GLB1L: variants seen among roughly 807,000 people sequenced by gnomAD.
GLB1L encodes the protein galactosidase beta 1 like.
In GLB1L, 58 loss-of-function variants were observed where a neutral mutation model predicts 75.7. The ratio of observed to expected loss-of-function variants is 0.77; its 90% CI spans 0.62 to 0.95. GLB1L has a LOEUF of 0.95. Among genes scored for constraint, GLB1L ranks in the 40% least tolerant of loss-of-function variants. The pLI, the probability that GLB1L is intolerant of heterozygous loss-of-function variation, is 0.00. For missense variants in GLB1L, 797 were observed against 805.5 expected (o/e 0.99, Z 0.13); for synonymous variants, 296 against 303.0 (o/e 0.98, Z 0.24).
chr2:219,239,034 G>A, intron 11 of GLB1L, 58 bp downstream of exon 11: 2 of 1,196,786 alleles, frequency 1.7e-6, no homozygotes, highest in Non-Finnish European at 2.5e-6. Flanking sequence ...TACAATGTGG[G>A]CACTCCCTTC....
At chr2:219,241,387 A>T (rs1279267894) in intron 5 of GLB1L, among the ~76,000 whole-genome samples, 1 of 146,568 alleles carries the variant, frequency 6.8e-6, no homozygotes, top group South Asian at 2.2e-4. Context: ...TCAAAAATAA[A>T]ACAAAATAAA....
In GLB1L at chr2:219,237,031, G is replaced by A; in HGVS notation, c.*41C>T. 1 of 1,470,344 alleles carries A rather than the reference G, an allele frequency of 6.8e-7. No individual in the cohort carries two copies. Among genetic ancestry groups the A allele is most frequent in the Non-Finnish European group, 9.4e-7 (1 of 1,061,726 alleles). 91.1% of individuals were successfully genotyped at this position (1,470,344 alleles called of 1,614,324 possible). A position where few individuals can be genotyped will look rare whatever the true frequency, so the allele number is the denominator to read the frequency against. ...TCCACCCGTCTCAGCCTCCCAAAGTGCTGGGATTACAGGCATGAGCCACCA... is the reference window on the plus strand; with the variant it reads ...TCCACCCGTCTCAGCCTCCCAAAGTACTGGGATTACAGGCATGAGCCACCA... On this transcript the variant is annotated 3_prime_UTR_variant, in exon 17 of 17. Transcript: ENST00000295759.
At position 219,239,114 on chromosome 2, in the gene GLB1L, G is replaced by A. The variant is rs778219795; in HGVS notation, c.1040C>T (p.Ala347Val). The change falls in exon 11 of 17, where the codon GCT (alanine) becomes GTT (valine). Residue 347 changes from alanine to valine, a missense_variant. By Grantham distance (64) the Ala-to-Val change is moderately conservative (BLOSUM62 0). Transcript: ENST00000295759. ...TACCTTGCTGATGACATCTCGAAGA[G>A]CAAAAAGCTTAGGTGTGGGGTCCCC... ...EAGDPTPKLF[A>V]LRDVISKFQE... 3 of 1,612,118 alleles carry A rather than the reference G, an allele frequency of 1.9e-6. No homozygotes were observed. Among genetic ancestry groups the A allele is most frequent in the South Asian group, 2.2e-5 (2 of 91,032 alleles).
At position 219,237,606 on chromosome 2, in the gene GLB1L, G is replaced by C; in HGVS notation, c.1595C>G (p.Pro532Arg). 6.2e-7 allele frequency: 1 copy of C among 1,614,148 alleles called. No individual in the cohort carries two copies. The highest frequency in any genetic ancestry group is 1.6e-4 in the Middle Eastern group (1 of 6,062). ...GAATGTGGGGCCAGAAGGAGCTTGA[G>C]GATATGGCCATTTTGGCAACTGGAG... ...FPLQLPKWPY[P>R]QAPSGPTFYS... Residue 532 changes from proline (P) to arginine (R), a missense_variant, in exon 16 of 17, where the codon CCT becomes CGT. Pro to Arg is a moderately radical substitution (Grantham distance 103, BLOSUM62 -2). Coordinates refer to ENST00000295759, the MANE Select transcript of GLB1L (RefSeq NM_001286423.2).
chr2:219,243,359 C>G (rs373130797), intron 2 of GLB1L, 45 bp from the exon 3 acceptor site: 30 of 1,589,784 alleles, frequency 1.9e-5, no homozygotes, highest in Middle Eastern at 3.4e-4. Context: ...CTGGAGGGAG[C>G]GTCGAGGGTC....
rs760766368 is a variant in GLB1L at position 219,238,598 on chromosome 2, G to A, written c.1138-14C>T. The A allele has an allele frequency of 6.8e-6, 11 of 1,610,062 alleles. No individual in the cohort carries two copies. Among genetic ancestry groups the A allele is most frequent in the Non-Finnish European group, 8.5e-6 (10 of 1,176,792 alleles). On this transcript the variant is annotated splice_polypyrimidine_tract_variant and intron_variant, in intron 12 of 16. Transcript: ENST00000295759. ...TAAATGCCCAACCTATTAGAATAAG[G>A]GAGAAGAATTAGAATATCAGGGAAG...
intron 5 of GLB1L, among the ~76,000 whole-genome samples, chr2:219,241,434 G>GTATATATATATA (rs1392771177): frequency 7.4e-4 from 61 of 82,922 alleles, no homozygotes; most frequent in East Asian, 1.4e-3. Flanking sequence ...GTGTGTGTGT[G>GTATATATATATA]TGTGTGTGTA....
intron 12 of GLB1L, 28 bp from the exon 13 acceptor site, chr2:219,238,612 A>C: frequency 2.5e-6 from 4 of 1,605,842 alleles, no homozygotes; most frequent in Non-Finnish European, 3.4e-6. Flanking sequence ...AAGAATTAGA[A>C]TATCAGGGAA....
At chr2:219,238,384 A>G (rs776152631) in intron 13 of GLB1L, 21 bp from the exon 14 acceptor site, 1 of 1,571,820 alleles carries the variant, frequency 6.4e-7, no homozygotes, top group Non-Finnish European at 8.7e-7. Context: ...AAGAATGAGT[A>G]CTTCAGACAA....
rs1559266713 is a variant in GLB1L, at chr2:219,241,472, A to ACT, written c.451+1041_451+1042insAG. Among the ~76,000 whole-genome samples, 128 of 143,168 alleles carry ACT rather than the reference A, an allele frequency of 8.9e-4. 2 individuals are homozygous for ACT. The highest frequency in any genetic ancestry group is 3.1e-3 in the African/African-American group (122 of 39,106). 93.9% of individuals were successfully genotyped at this position (143,168 alleles called of 152,430 possible). A position where few individuals can be genotyped will look rare whatever the true frequency, so the allele number is the denominator to read the frequency against. The stretch of plus-strand genomic sequence containing the variant: ...TATATATATATATATATATACATAC[A>ACT]TATATATGTATGTATAGAGAGAGCG... On this transcript the variant is annotated intron_variant, in intron 5 of 16. Coordinates refer to ENST00000295759, the MANE Select transcript of GLB1L (RefSeq NM_001286423.2).
chr2:219,242,682 G>T (rs1951420488), intron 4 of GLB1L, 86 bp downstream of exon 4: 1 of 1,539,960 alleles, frequency 6.5e-7, no homozygotes, highest in African/African-American at 1.4e-5. Context: ...TATAGTGCTG[G>T]AGATGGCCCT....
chr2:219,237,891 T>C lies in GLB1L; in HGVS notation c.1408A>G (p.Lys470Glu), dbSNP rs147437234. 3 of 1,614,126 alleles carry C rather than the reference T, an allele frequency of 1.9e-6. No homozygotes were observed. The highest frequency in any genetic ancestry group is 2.5e-6 in the Non-Finnish European group (3 of 1,180,002). Residue 470 changes from lysine to glutamate, a missense_variant, in exon 15 of 17, where the codon AAA becomes GAA. Coordinates refer to ENST00000295759, the MANE Select transcript of GLB1L (RefSeq NM_001286423.2). Reference sequence around the variant, plus strand: ...ATGTTCTCCACCAAGATATCCAGTTTGGACCCCAGTTTCCCCGTCAAAAAT... The same window carrying C: ...ATGTTCTCCACCAAGATATCCAGTTCGGACCCCAGTTTCCCCGTCAAAAAT... Reference protein sequence around the residue: ...KLFLTGKLGSKLDILVENMGR... With the variant: ...KLFLTGKLGSELDILVENMGR...
rs779371361 is a variant in GLB1L, at chr2:219,240,274, C to T, written c.463G>A (p.Ala155Thr). 1.7e-5 allele frequency: 27 copies of T among 1,613,874 alleles called. No homozygotes were observed. Among genetic ancestry groups the T allele is most frequent in the African/African-American group, 5.3e-5 (4 of 74,924 alleles). Residue 155 changes from alanine (A) to threonine (T), a missense_variant, in exon 6 of 17, where the codon GCA (alanine) becomes ACA (threonine). Physicochemically the swap from Ala to Thr is moderately conservative, Grantham distance 58 (BLOSUM62 0). Transcript: ENST00000295759. ...LRTSDPDFLAAVDSWFKVLLP... is the reference protein window; with the variant it reads ...LRTSDPDFLATVDSWFKVLLP... ...AAGACCTTGAACCAGGAGTCCACTG[C>T]GGCAAGGAAGTCTAAAGGAAGGAGC...
chr2:219,239,217 T>C lies in GLB1L; in HGVS notation c.944-7A>G. The stretch of plus-strand genomic sequence containing the variant: ...CGTCCCTTCTTATCGGCACCTGAAG[T>C]TGAGCCAATTTAATTAATTCAACAT... On this transcript the variant is annotated splice_polypyrimidine_tract_variant and splice_region_variant and intron_variant, in intron 10 of 16. Transcript: ENST00000295759. The C allele has an allele frequency of 6.3e-7, 1 of 1,592,520 alleles. No homozygotes were observed. Among genetic ancestry groups the C allele is most frequent in the Non-Finnish European group, 8.6e-7 (1 of 1,163,444 alleles).
At position 219,243,585 on chromosome 2, in the gene GLB1L, C is replaced by T; in HGVS notation, c.-12G>A. 3 of 1,613,768 alleles carry T rather than the reference C, an allele frequency of 1.9e-6. No homozygotes were observed. Among genetic ancestry groups the T allele is most frequent in the East Asian group, 4.5e-5 (2 of 44,882 alleles). Reference sequence around the variant, plus strand: ...TTCTTGGGAGCCATGGCGTTTACAGCGCTCCTCTAGTCTGAGACGGCGGAC... The same window carrying T: ...TTCTTGGGAGCCATGGCGTTTACAGTGCTCCTCTAGTCTGAGACGGCGGAC... On this transcript the variant is annotated 5_prime_UTR_variant, in exon 2 of 17. Coordinates refer to ENST00000295759, the MANE Select transcript of GLB1L (RefSeq NM_001286423.2).
At position 219,237,108 on chromosome 2, in the gene GLB1L, C is replaced by CA. The variant is rs1177665509; in HGVS notation, c.1928dup (p.Ser644GlufsTer4). 5 of 1,612,016 alleles carry CA rather than the reference C, an allele frequency of 3.1e-6. No homozygotes were observed. On this transcript the variant is annotated frameshift_variant, in exon 17 of 17. Transcript: ENST00000295759. LOFTEE classifies it high-confidence loss of function. ...TTAACTCCATTGGTTCAGAGGCACT[C>CA]AGTGTATCAGCTGAAAGGGAATTGA...
Position 219,237,694 on chromosome 2 carries a change from T to C in GLB1L, c.1507A>G (p.Ile503Val), listed in dbSNP as rs1203779365. Residue 503 changes from isoleucine (I) to valine (V), a missense_variant, in exon 16 of 17, where the codon ATC becomes GTC. By Grantham distance (29) the Ile-to-Val change is conservative. Coordinates refer to ENST00000295759, the MANE Select transcript of GLB1L (RefSeq NM_001286423.2). Reference protein sequence around the residue: ...LLKPPILGQTILTQWMMFPLK... With the variant: ...LLKPPILGQTVLTQWMMFPLK... ...GGGAACATCATCCACTGGGTAAGGATTGTTTGCCCCAGAATTGGTGGCTTC... is the reference window on the plus strand; with the variant it reads ...GGGAACATCATCCACTGGGTAAGGACTGTTTGCCCCAGAATTGGTGGCTTC... 3.7e-6 allele frequency: 6 copies of C among 1,614,168 alleles called. No homozygotes were observed. The highest frequency in any genetic ancestry group is 4.5e-5 in the East Asian group (2 of 44,892).
At chr2:219,238,872 G>A (rs1474906450) in intron 11 of GLB1L, 93 bp from the exon 12 acceptor site, 4 of 1,128,918 alleles carry the variant, frequency 3.5e-6, no homozygotes, top group Non-Finnish European at 5.2e-6. Context: ...CTGGGGCCCA[G>A]GGAAGGGCTT....
intron 5 of GLB1L, among the ~76,000 whole-genome samples, chr2:219,241,436 G>GTATATATATATATATATA (rs1382396720): frequency 3.0e-4 from 25 of 84,288 alleles, no homozygotes; most frequent in East Asian, 2.2e-3. Context: ...GTGTGTGTGT[G>GTATATATATATATATATA]TGTGTGTATA....
Sources: allele counts gnomAD v4.1 joint callset (sites outside exome capture counted in the v4.1 genomes callset), GRCh38; gene constraint gnomAD v4.1.1; transcripts MANE v1.5; gene names NCBI Gene and HGNC (gene_info 2026-07-23, HGNC 2026-07-21).